The following CABLES2 variants were observed in gnomAD, a reference collection of about 807,000 sequenced individuals.
CABLES2 encodes Cdk5 and Abl enzyme substrate 2.
CABLES2 carries 35 observed loss-of-function variants against 44.8 expected under a neutral mutation model. The ratio of observed to expected loss-of-function variants is 0.78; its 90% CI spans 0.60 to 1.04. The LOEUF (loss-of-function observed/expected upper bound fraction) is 1.04. CABLES2 is among the 50% of genes least tolerant of loss of function. CABLES2 has a pLI of 0.00. For missense variants in CABLES2, 566 were observed against 615.7 expected, an observed-to-expected ratio of 0.92 and a Z score of 0.85; for synonymous variants, 282 against 281.1, an observed-to-expected ratio of 1.00 and a Z score of -0.03.
intron 1 of CABLES2, among the ~76,000 whole-genome samples, chr20:62,397,810 C>T (rs1013308950): frequency 1.5e-4 from 22 of 151,364 alleles, no homozygotes; most frequent in Non-Finnish European, 2.8e-4. Flanking sequence ...CAATGATGGG[C>T]GATGTGGCGT....
At chr20:62,392,141 C>G (rs566133210) in intron 8 of CABLES2, among the ~76,000 whole-genome samples, 15 of 150,648 alleles carry the variant, frequency 1.0e-4, no homozygotes, top group African/African-American at 3.7e-4. Context: ...TGGGCTGCTG[C>G]GAGGGTCTGG....
intron 6 of CABLES2, 88 bp from the exon 7 acceptor site, chr20:62,393,111 G>A (rs1987950943): frequency 1.7e-6 from 2 of 1,170,354 alleles, no homozygotes; most frequent in Non-Finnish European, 2.5e-6. Flanking sequence ...CCATGGCGGG[G>A]CAAGGCCGAG....
intron 1 of CABLES2, among the ~76,000 whole-genome samples, chr20:62,397,948 C>CGGT (rs1569017195): frequency 1.8e-4 from 2 of 11,148 alleles, no homozygotes; most frequent in Non-Finnish European, 3.7e-4. Flanking sequence ...ATGGTGGTGA[C>CGGT]GGTAGTGGTG....
Position 62,393,389 on chromosome 20 carries a change from A to C in CABLES2, c.880+51T>G, listed in dbSNP as rs778539957. On this transcript the variant is annotated intron_variant, in intron 6 of 9. Transcript: ENST00000279101. ...CTGCTGCAGTCCCTGGGCCGTGGTTAAGGCACGCGGGTCACCCTGTTCCAG... is the reference window on the plus strand; with the variant it reads ...CTGCTGCAGTCCCTGGGCCGTGGTTCAGGCACGCGGGTCACCCTGTTCCAG... 3.3e-6 allele frequency: 5 copies of C among 1,531,464 alleles called. No individual in the cohort carries two copies. In the South Asian group the frequency reaches 6.3e-5, roughly 19 times the overall value. The allele number at this position is 1,531,464 out of a possible 1,614,324, so 94.9% of individuals were successfully genotyped here.
intron 1 of CABLES2, among the ~76,000 whole-genome samples, chr20:62,400,904 CTT>C (rs988356027): frequency 1.3e-5 from 2 of 152,196 alleles, no homozygotes; most frequent in African/African-American, 4.8e-5. Context: ...ATTTCCTTCT[CTT>C]TTCTTTTTTT....
chr20:62,406,703 A>C (rs1569020704), intron 1 of CABLES2, among the ~76,000 whole-genome samples: 1 of 53,908 alleles, frequency 1.9e-5, no homozygotes, highest in Non-Finnish European at 3.7e-5. Context: ...GGTCACCTGA[A>C]CCTCTGTCCA....
At position 62,407,113 on chromosome 20, in the gene CABLES2, ATGT is replaced by A. The variant is rs1321675396; in HGVS notation, c.161_163del (p.Asn54del). The A allele has an allele frequency of 3.2e-5, 33 of 1,037,908 alleles. No individual in the cohort carries two copies. Among genetic ancestry groups the A allele is most frequent in the South Asian group, 4.4e-5 (1 of 22,912 alleles). 64.3% of individuals were successfully genotyped at this position (1,037,908 alleles called of 1,614,324 possible). ...GCTCGGGGGCCGCCCGTCCAGGGAG[ATGT>A]TGTTGAGGAAGAAAAGCGCGGCCTG... On this transcript the variant is annotated inframe_deletion, in exon 1 of 10. Transcript: ENST00000279101.
intron 1 of CABLES2, chr20:62,402,147 C>T (rs1261386757): frequency 2.0e-5 from 3 of 152,354 alleles, no homozygotes; most frequent in African/African-American, 4.8e-5. Flanking sequence ...GGAGTCTGCC[C>T]CCCCAGTCTG....
At position 62,398,076 on chromosome 20, in the gene CABLES2, G is replaced by A. The variant is rs1053154020; in HGVS notation, c.363-1484C>T. On this transcript the variant is annotated intron_variant, in intron 1 of 9. Transcript: ENST00000279101. ...GATGGCGATGGTGGTGGTGACGGTG[G>A]TGGTGGTGGTGACGGTGGTGGTGGT... 9.5e-3 allele frequency among the ~76,000 whole-genome samples: 369 copies of A among 38,910 alleles called. 22 individuals carry two copies. The highest frequency in any genetic ancestry group is 0.018 in the Middle Eastern group (1 of 56). 25.5% of individuals were successfully genotyped at this position (38,910 alleles called of 152,430 possible). A position where few individuals can be genotyped will look rare whatever the true frequency, so the allele number is the denominator to read the frequency against.
rs1207566690 is a variant in CABLES2, at chr20:62,390,241, G to A, written c.*730C>T. ...CAGCTGTCTGTTGTGCCGTCGGTCTGTAGGACACAGGGGCGTTAGGATTTC... is the reference window on the plus strand; with the variant it reads ...CAGCTGTCTGTTGTGCCGTCGGTCTATAGGACACAGGGGCGTTAGGATTTC... On this transcript the variant is annotated 3_prime_UTR_variant, in exon 10 of 10. Transcript: ENST00000279101. 6.6e-6 allele frequency: 1 copy of A among 152,628 alleles called. No individual in the cohort carries two copies. Among genetic ancestry groups the A allele is most frequent in the African/African-American group, 2.4e-5 (1 of 41,426 alleles). 9.5% of individuals were successfully genotyped at this position (152,628 alleles called of 1,614,324 possible).
At position 62,396,773 on chromosome 20, in the gene CABLES2, C is replaced by T. The variant is rs1988029397; in HGVS notation, c.363-181G>A. ...AGGCGGGGAGGAGGGGCACCTCCTG[C>T]CTTGAGAGGTTCCTGTTTTGGAGGC... is the stretch of plus-strand genomic sequence containing the variant. On this transcript the variant is annotated intron_variant, in intron 1 of 9. Transcript: ENST00000279101. The surrounding 1 kb of genome is among the most constrained non-coding windows in gnomAD (Gnocchi z 5.7). Among the ~76,000 whole-genome samples the T allele has an allele frequency of 6.6e-6, 1 of 152,122 alleles. No homozygotes were observed. Among genetic ancestry groups the T allele is most frequent in the Non-Finnish European group, 1.5e-5 (1 of 68,008 alleles).
chr20:62,388,716 G>A lies in CABLES2; in HGVS notation c.*2255C>T. ...GACAAAATAACTCAAACATTCTGAG[G>A]TCTGATACTTGCTTATGCACACTGA... is the stretch of plus-strand genomic sequence containing the variant. On this transcript the variant is annotated 3_prime_UTR_variant, in exon 10 of 10. Transcript: ENST00000279101. 5.2e-6 allele frequency: 3 copies of A among 575,800 alleles called. No homozygotes were observed. The highest frequency in any genetic ancestry group is 6.0e-5 in the East Asian group (2 of 33,576). 35.7% of individuals were successfully genotyped at this position (575,800 alleles called of 1,614,324 possible).
At position 62,391,461 on chromosome 20, in the gene CABLES2, T is replaced by C; in HGVS notation, c.1092-8A>G. The C allele has an allele frequency of 6.2e-7, 1 of 1,612,328 alleles. No individual in the cohort carries two copies. The highest frequency in any genetic ancestry group is 2.2e-5 in the East Asian group (1 of 44,878). ...CGCATCTCCCGCTTTAAGCTGTGGG[T>C]TAAGACAGAAGCCATGTCCCTGGGG... On this transcript the variant is annotated splice_polypyrimidine_tract_variant and splice_region_variant and intron_variant, in intron 8 of 9. Coordinates refer to ENST00000279101, the MANE Select transcript of CABLES2 (RefSeq NM_031215.3). This position sits in a 1 kb window ranked among gnomAD's most constrained non-coding sequence, Gnocchi z 5.7.
rs1987974523 is a variant in CABLES2, at chr20:62,394,249, T to C, written c.622A>G (p.Ser208Gly). ...GLRISDLRVDSQKQRHPSGGV... is the reference protein window; with the variant it reads ...GLRISDLRVDGQKQRHPSGGV... ...CCGGACGGGTGCCTCTGCTTCTGGC[T>C]GTCCACCCTCAGGTCACTGCAAACA... is the stretch of plus-strand genomic sequence containing the variant. Residue 208 changes from serine (S) to glycine (G), a missense_variant, in exon 5 of 10, where the codon AGC becomes GGC. Transcript: ENST00000279101. 8.1e-6 allele frequency: 13 copies of C among 1,613,358 alleles called. No individual in the cohort carries two copies. In the East Asian group the frequency reaches 8.9e-5, roughly 11 times the overall value.
chr20:62,398,172 ATGG>A (rs1404361715), intron 1 of CABLES2, among the ~76,000 whole-genome samples: 9 of 64,536 alleles, frequency 1.4e-4, no homozygotes, highest in Non-Finnish European at 2.5e-4. Flanking sequence ...GATGGTGGTA[ATGG>A]TGGTGGTGGT....
chr20:62,407,199 G>C lies in CABLES2; in HGVS notation c.78C>G (p.Thr26=). Residue 26 remains threonine, a synonymous_variant, in exon 1 of 10, where the codon ACC becomes ACG. Transcript: ENST00000279101. ...PAGPPPPAAP[T]SAARAPPQAL... ...CCTGCGGCGGGGCCCGAGCGGCCGA[G>C]GTCGGCGCGGCGGGTGGCGGGGGCC... 2.0e-6 allele frequency: 2 copies of C among 983,746 alleles called. No individual in the cohort carries two copies. Among genetic ancestry groups the C allele is most frequent in the South Asian group, 9.2e-5 (2 of 21,796 alleles). The allele number at this position is 983,746 out of a possible 1,614,324, so 60.9% of individuals were successfully genotyped here. A position where few individuals can be genotyped will look rare whatever the true frequency, so the allele number is the denominator to read the frequency against.
chr20:62,400,653 G>A (rs1988171839), intron 1 of CABLES2, among the ~76,000 whole-genome samples: 2 of 152,178 alleles, frequency 1.3e-5, no homozygotes, highest in South Asian at 4.1e-4. Flanking sequence ...GCATGCCTGG[G>A]ACTTCATTTG....
chr20:62,401,303 C>T (rs938341119), intron 1 of CABLES2, among the ~76,000 whole-genome samples: 1 of 152,242 alleles, frequency 6.6e-6, no homozygotes, highest in Non-Finnish European at 1.5e-5. Context: ...CCTTCCCTTC[C>T]CCTCTGCCTC....
intron 1 of CABLES2, chr20:62,405,886 T>C (rs1988273685): frequency 2.0e-5 from 3 of 152,316 alleles, no homozygotes; most frequent in African/African-American, 7.2e-5. Flanking sequence ...CCACAGTCAC[T>C]CCTGGAGGTG....
Sources: gnomAD v4.1 joint callset for allele counts (sites outside exome capture counted in the v4.1 genomes callset) on GRCh38, gnomAD v4.1.1 for gene constraint, Gnocchi (gnomAD v3.1) non-coding constraint, MANE v1.5 for transcripts, NCBI Gene and HGNC (gene_info 2026-07-23, HGNC 2026-07-21) for gene names.